Variants in DOHH observed in about 807,000 individuals in gnomAD.
DOHH encodes deoxyhypusine hydroxylase.
Under a neutral mutation model 19.9 loss-of-function variants are expected in DOHH, and 16 were observed. The observed-to-expected ratio is 0.80, with a 90% CI of 0.54 to 1.22. The LOEUF (loss-of-function observed/expected upper bound fraction) is 1.22. Among genes scored for constraint, DOHH ranks in the 50% most tolerant of loss-of-function variants. The pLI is 0.00. For synonymous variants in DOHH, 233 were observed against 217.0 expected (o/e 1.07, Z -0.65); for missense variants, 460 against 460.6 (o/e 1.00, Z 0.01).
intron 3 of DOHH, 125 bp downstream of exon 3, chr19:3,493,903 G>C (rs1191927546): frequency 1.2e-6 from 1 of 826,062 alleles, no homozygotes; most frequent in Admixed American, 2.9e-5. Context: ...CCTTGGCCAA[G>C]TGGTCGCCCT....
intron 2 of DOHH, among the ~76,000 whole-genome samples, chr19:3,495,403 A>G (rs1380680642): frequency 6.6e-6 from 1 of 152,158 alleles, no homozygotes; most frequent in African/African-American, 2.4e-5. Context: ...CAGCCTCCTG[A>G]GTAGTTGGGA....
intron 1 of DOHH, among the ~76,000 whole-genome samples, chr19:3,497,307 C>T (rs1316288076): frequency 6.6e-6 from 1 of 152,206 alleles, no homozygotes; most frequent in Non-Finnish European, 1.5e-5. Context: ...GCAAGACTTC[C>T]AAGGTTAGGG....
At position 3,492,443 on chromosome 19, in the gene DOHH, G is replaced by A; in HGVS notation, c.408C>T (p.Gly136=). ...GGTAGGGTCCCGCCGCCGGCTCCCC[G>A]CCGTGCTGCTGCAGCCACTCCAGCC... is the stretch of plus-strand genomic sequence containing the variant. The part of the protein sequence containing the change: ...VRRLEWLQQH[G]GEPAAGPYLS... Residue 136 remains glycine (G), a synonymous_variant, in exon 4 of 5, where the codon GGC becomes GGT. Coordinates refer to ENST00000427575, the MANE Select transcript of DOHH (RefSeq NM_001145165.2). 4 of 1,481,458 alleles carry A rather than the reference G, an allele frequency of 2.7e-6. No individual in the cohort carries two copies. In the South Asian group the frequency reaches 3.9e-5, roughly 14 times the overall value. The allele number at this position is 1,481,458 out of a possible 1,614,324, so 91.8% of individuals were successfully genotyped here.
At chr19:3,495,367 C>T (rs760459424) in intron 2 of DOHH, among the ~76,000 whole-genome samples, 1 of 152,190 alleles carries the variant, frequency 6.6e-6, no homozygotes, top group Non-Finnish European at 1.5e-5. Context: ...GCCTCAACCT[C>T]CCTGGCTCAA....
chr19:3,492,449 C>G lies in DOHH; in HGVS notation c.402G>C (p.Gln134His). ...GTCCCGCCGCCGGCTCCCCGCCGTGCTGCTGCAGCCACTCCAGCCTGCGCA... is the reference window on the plus strand; with the variant it reads ...GTCCCGCCGCCGGCTCCCCGCCGTGGTGCTGCAGCCACTCCAGCCTGCGCA... ...LAVRRLEWLQ[Q>H]HGGEPAAGPY... The change falls in exon 4 of 5, where the codon CAG (glutamine) becomes CAC (histidine). Residue 134 changes from glutamine to histidine, a missense_variant. Coordinates refer to ENST00000427575, the MANE Select transcript of DOHH (RefSeq NM_001145165.2). 1 of 1,466,650 alleles carries G rather than the reference C, an allele frequency of 6.8e-7. No homozygotes were observed. Among genetic ancestry groups the G allele is most frequent in the Non-Finnish European group, 9.0e-7 (1 of 1,115,350 alleles). 90.9% of individuals were successfully genotyped at this position (1,466,650 alleles called of 1,614,324 possible).
intron 2 of DOHH, among the ~76,000 whole-genome samples, chr19:3,495,352 C>T (rs185359932): frequency 1.6e-4 from 25 of 152,274 alleles, no homozygotes; most frequent in East Asian, 1.2e-3. Context: ...TCATGGCTAA[C>T]TGCAGCCTCA....
chr19:3,494,754 C>T (rs1277811509), intron 2 of DOHH, among the ~76,000 whole-genome samples: 1 of 152,232 alleles, frequency 6.6e-6, no homozygotes, highest in Non-Finnish European at 1.5e-5. Flanking sequence ...GTGGCTTTTG[C>T]CTTTCCTGAA....
At position 3,494,359 on chromosome 19, in the gene DOHH, C is replaced by T. The variant is rs189192607; in HGVS notation, c.275-255G>A. On this transcript the variant is annotated intron_variant, in intron 2 of 4. Transcript: ENST00000427575. ...GAGCAAAATGGACCCCATCCCGGCC[C>T]GTACCATGAGACAGGGAGACAAGTA... 1.3e-3 allele frequency among the ~76,000 whole-genome samples: 194 copies of T among 152,272 alleles called. 1 individual carries two copies. The highest frequency in any genetic ancestry group is 4.4e-3 in the African/African-American group (184 of 41,548).
intron 4 of DOHH, 133 bp downstream of exon 4, chr19:3,492,129 C>G: frequency 4.6e-6 from 4 of 875,888 alleles, no homozygotes; most frequent in Non-Finnish European, 6.5e-6. Context: ...TTAAGAGGCC[C>G]CATGGGAAAT....
Position 3,496,829 on chromosome 19 carries a change from G to T in DOHH, c.-15C>A. The T allele has an allele frequency of 6.5e-7, 1 of 1,546,752 alleles. No homozygotes were observed. On this transcript the variant is annotated 5_prime_UTR_variant, in exon 2 of 5. Transcript: ENST00000427575. The surrounding 1 kb of genome is among the most constrained non-coding windows in gnomAD (Gnocchi z 4.8). ...TCCGTCACCATCGTGCTGTCAATGG[G>T]TCCCGGCCTTCCACAACCCTGCTCA...
intron 1 of DOHH, among the ~76,000 whole-genome samples, chr19:3,500,117 G>T (rs906997000): frequency 2.0e-5 from 3 of 151,390 alleles, no homozygotes; most frequent in Admixed American, 2.0e-4. Context: ...TTCCAGATCG[G>T]CTGAGAACCT....
rs2082910891 is a variant in DOHH at position 3,496,715 on chromosome 19, G to C, written c.100C>G (p.Leu34Val). 6.2e-7 allele frequency: 1 copy of C among 1,613,216 alleles called. No individual in the cohort carries two copies. The highest frequency in any genetic ancestry group is 1.1e-5 in the South Asian group (1 of 91,082). ...RFRALFTLRGLGGPGAIAWIS... is the reference protein window; with the variant it reads ...RFRALFTLRGVGGPGAIAWIS... ...CATGCAATGGCGCCTGGGCCGCCGA[G>C]CCCACGCAGCGTGAACAGCGCCCGG... The change falls in exon 2 of 5, where the codon CTC (leucine) becomes GTC (valine). Residue 34 changes from leucine to valine, a missense_variant. By Grantham distance (32) the Leu-to-Val change is conservative. Coordinates refer to ENST00000427575, the MANE Select transcript of DOHH (RefSeq NM_001145165.2). The surrounding 1 kb of genome is among the most constrained non-coding windows in gnomAD (Gnocchi z 4.8).
At chr19:3,493,721 T>G (rs904776255) in intron 3 of DOHH, among the ~76,000 whole-genome samples, 3 of 151,946 alleles carry the variant, frequency 2.0e-5, no homozygotes, top group Admixed American at 6.6e-5. Context: ...CAGAGGGGTC[T>G]TGGCAGAGGG....
chr19:3,494,266 C>T (rs557159427), intron 2 of DOHH, among the ~76,000 whole-genome samples, 162 bp from the exon 3 acceptor site: 65 of 152,288 alleles, frequency 4.3e-4, no homozygotes, highest in Admixed American at 1.6e-3. Context: ...ACAGGCTCCC[C>T]GCTGGACCAA....
intron 2 of DOHH, among the ~76,000 whole-genome samples, 192 bp from the exon 3 acceptor site, chr19:3,494,296 G>A (rs1369066043): frequency 6.6e-6 from 1 of 152,158 alleles, no homozygotes; most frequent in Non-Finnish European, 1.5e-5. Context: ...CCTCCCCAGA[G>A]CAAGGCACTG....
At position 3,491,701 on chromosome 19, in the gene DOHH, C is replaced by T. The variant is rs746982844; in HGVS notation, c.700G>A (p.Glu234Lys). 5.9e-6 allele frequency: 9 copies of T among 1,526,124 alleles called. No homozygotes were observed. In the African/African-American group the frequency reaches 1.1e-4, roughly 19 times the overall value. The allele number at this position is 1,526,124 out of a possible 1,614,324, so 94.5% of individuals were successfully genotyped here. The stretch of plus-strand genomic sequence containing the variant: ...CACTCGTGCCGCACCATGGGGTTCT[C>T]GGTGCATCGGGCCAGGGCGGCCGCC... ...QLAAALARCT[E>K]NPMVRHECAE... The change falls in exon 5 of 5, where the codon GAG becomes AAG. Residue 234 changes from glutamate (E) to lysine (K), a missense_variant. Coordinates refer to ENST00000427575, the MANE Select transcript of DOHH (RefSeq NM_001145165.2). The surrounding 1 kb of genome is among the most constrained non-coding windows in gnomAD (Gnocchi z 5.6).
At position 3,492,257 on chromosome 19, in the gene DOHH, C is replaced by A; in HGVS notation, c.589+5G>T. On this transcript the variant is annotated splice_donor_5th_base_variant and intron_variant, in intron 4 of 4. Transcript: ENST00000427575. Reference sequence around the variant, plus strand: ...CAGGACCCCACCCCAGAAGCCCCTCCTCACCCTCGGCCAGCGCCAGGGCGG... The same window carrying A: ...CAGGACCCCACCCCAGAAGCCCCTCATCACCCTCGGCCAGCGCCAGGGCGG... 6.9e-7 allele frequency: 1 copy of A among 1,457,006 alleles called. No individual in the cohort carries two copies. Among genetic ancestry groups the A allele is most frequent in the Non-Finnish European group, 9.0e-7 (1 of 1,114,812 alleles). 90.3% of individuals were successfully genotyped at this position (1,457,006 alleles called of 1,614,324 possible).
At chr19:3,493,342 G>C (rs1438000947) in intron 3 of DOHH, among the ~76,000 whole-genome samples, 2 of 152,104 alleles carry the variant, frequency 1.3e-5, no homozygotes, top group African/African-American at 4.8e-5. Context: ...CAGGCGCGGT[G>C]GCTCACGCCT....
intron 1 of DOHH, among the ~76,000 whole-genome samples, chr19:3,499,345 A>G (rs1477225945): frequency 6.6e-6 from 1 of 152,186 alleles, no homozygotes; most frequent in African/African-American, 2.4e-5. Flanking sequence ...ATTGGAAAGT[A>G]TTGGTTTAGT....
Sources: allele counts gnomAD v4.1 joint callset (sites outside exome capture counted in the v4.1 genomes callset), GRCh38; gene constraint gnomAD v4.1.1; non-coding constraint Gnocchi (gnomAD v3.1); transcripts MANE v1.5; gene names NCBI Gene and HGNC (gene_info 2026-07-23, HGNC 2026-07-21).